COL18A1: variants seen among roughly 807,000 people sequenced by gnomAD.
COL18A1 encodes collagen alpha-1(XVIII) chain.
A neutral mutation model predicts 168.0 loss-of-function variants in COL18A1; 133 were observed. The observed-to-expected ratio is 0.79, with a 90% CI of 0.69 to 0.91. The LOEUF is 0.91. Among genes scored for constraint, COL18A1 ranks in the 40% least tolerant of loss-of-function variants. The pLI is 0.00. For missense variants in COL18A1, 2,126 were observed against 1,925.4 expected (o/e 1.10, Z -1.95); for synonymous variants, 949 against 809.0 (o/e 1.17, Z -2.94).
chr21:45,445,878 T>C (rs746437141), intron 2 of COL18A1, among the ~76,000 whole-genome samples: 1 of 152,244 alleles, frequency 6.6e-6, no homozygotes, highest in Non-Finnish European at 1.5e-5. Flanking sequence ...CGCAAATATC[T>C]TCTCCCATTC....
chr21:45,512,502 C>A lies in COL18A1; in HGVS notation c.*104C>A. ...AGCCCCTGGCCCCAGGACCTGGCTG[C>A]CATACTTTCCTGTATAGTTCACGTT... is the stretch of plus-strand genomic sequence containing the variant. On this transcript the variant is annotated 3_prime_UTR_variant, in exon 42 of 42. Coordinates refer to ENST00000651438, the MANE Select transcript of COL18A1 (RefSeq NM_001379500.1). The A allele has an allele frequency of 2.0e-6, 2 of 1,013,780 alleles. No individual in the cohort carries two copies. The highest frequency in any genetic ancestry group is 2.6e-5 in the East Asian group (1 of 39,146). 62.8% of individuals were successfully genotyped at this position (1,013,780 alleles called of 1,614,324 possible).
Position 45,493,185 on chromosome 21 carries a change from A to T in COL18A1, c.2237A>T (p.Asn746Ile), listed in dbSNP as rs1320360516. The change falls in exon 25 of 42, where the codon AAC becomes ATC. Residue 746 changes from asparagine (N) to isoleucine (I), a missense_variant. Asn to Ile is a moderately radical substitution (Grantham distance 149). Transcript: ENST00000651438. ...GFPGPAGPKG[N>I]LGSKGERGSP... ...CAGGGACCTGCAGGACCCAAGGGCA[A>T]CCTGGGCTCTAAGGGCGAACGAGGC... The T allele has an allele frequency of 4.5e-6, 7 of 1,562,138 alleles. No homozygotes were observed. Among genetic ancestry groups the T allele is most frequent in the Non-Finnish European group, 6.1e-6 (7 of 1,153,150 alleles).
chr21:45,495,741 C>G, intron 29 of COL18A1: 1 of 399,606 alleles, frequency 2.5e-6, no homozygotes, highest in Non-Finnish European at 4.8e-6. Context: ...TCCACACGTG[C>G]TCATGTGTGT....
At chr21:45,419,724 AAC>A (rs2033560925) in intron 2 of COL18A1, 1 of 152,306 alleles carries the variant, frequency 6.6e-6, no homozygotes, top group Middle Eastern at 3.4e-3. Flanking sequence ...ATGATTTTTA[AAC>A]AGTTTTATTT....
chr21:45,440,083 T>A (rs2034328276), intron 2 of COL18A1, among the ~76,000 whole-genome samples: 1 of 152,182 alleles, frequency 6.6e-6, no homozygotes, highest in Admixed American at 6.5e-5. Context: ...CCTCCGATGA[T>A]GGGGCAAACG....
rs529817823 is a variant in COL18A1 at position 45,492,032 on chromosome 21, C to T, written c.2158-503C>T. Among the ~76,000 whole-genome samples, 17 of 152,342 alleles carry T rather than the reference C, an allele frequency of 1.1e-4. No individual in the cohort carries two copies. The East Asian group carries it at 3.3e-3, about 29-fold the overall frequency. On this transcript the variant is annotated intron_variant, in intron 22 of 41. Transcript: ENST00000651438. Reference sequence around the variant, plus strand: ...GTGTGACACTGGACAAGTTACCTAACCCTTGTGCTCCAGCTCCCCACCTAG... The same window carrying T: ...GTGTGACACTGGACAAGTTACCTAATCCTTGTGCTCCAGCTCCCCACCTAG...
In COL18A1 at chr21:45,497,717, TGTG is replaced by T. The variant is rs756512869; in HGVS notation, c.2683+59_2683+61del. ...AGCCATGGCGTGGCCAGCACTGAAG[TGTG>T]GTCACACCTAGAGCCGCCACCACAA... On this transcript the variant is annotated intron_variant, in intron 32 of 41. Coordinates refer to ENST00000651438, the MANE Select transcript of COL18A1 (RefSeq NM_001379500.1). 234 of 1,548,402 alleles carry T rather than the reference TGTG, an allele frequency of 1.5e-4. 1 individual carries two copies. The highest frequency in any genetic ancestry group is 5.1e-4 in the South Asian group (43 of 84,122).
At chr21:45,455,502 C>T in intron 2 of COL18A1, 1 of 1,610,006 alleles carries the variant, frequency 6.2e-7, no homozygotes, top group Non-Finnish European at 8.5e-7. Flanking sequence ...GGCCCTCCCG[C>T]CGCCCGCAGC....
chr21:45,464,121 C>T (rs7283255), intron 2 of COL18A1, among the ~76,000 whole-genome samples: 21,638 of 151,938 alleles, frequency 0.14, 1,885 homozygotes, highest in African/African-American at 0.23. Flanking sequence ...CACACATCTG[C>T]GGGGGCAGAG....
intron 23 of COL18A1, 39 bp downstream of exon 23, chr21:45,492,603 G>A: frequency 6.2e-7 from 1 of 1,612,528 alleles, no homozygotes; most frequent in Non-Finnish European, 8.5e-7. Flanking sequence ...GGGCCTGCGG[G>A]GACCTGGGTA....
At chr21:45,491,036 G>A (rs1036169846) in intron 21 of COL18A1, among the ~76,000 whole-genome samples, 165 bp downstream of exon 21, 2 of 152,156 alleles carry the variant, frequency 1.3e-5, no homozygotes, top group East Asian at 1.9e-4. Flanking sequence ...TGGGGGCAGC[G>A]TGTGTGGCTC....
rs376133415 is a variant in COL18A1 at position 45,465,489 on chromosome 21, G to A, written c.107-2753G>A. Among the ~76,000 whole-genome samples, 3 of 152,322 alleles carry A rather than the reference G, an allele frequency of 2.0e-5. No homozygotes were observed. The East Asian group carries it at 5.8e-4, about 29-fold the overall frequency. On this transcript the variant is annotated intron_variant, in intron 2 of 41. Transcript: ENST00000651438. ...GGGCACTTCACTGCGTAAGTGCTAT[G>A]GTGTGATGGAGTGATGATGGTGGCG...
intron 2 of COL18A1, among the ~76,000 whole-genome samples, chr21:45,414,005 G>C (rs2033372441): frequency 1.3e-5 from 2 of 152,222 alleles, no homozygotes; most frequent in Admixed American, 1.3e-4. Context: ...GTGTGCACCT[G>C]AACCATCTCT....
At chr21:45,452,862 TTG>T (rs1337379271) in intron 2 of COL18A1, among the ~76,000 whole-genome samples, 1 of 151,700 alleles carries the variant, frequency 6.6e-6, no homozygotes, top group African/African-American at 2.4e-5. Flanking sequence ...TGTGTGGGGC[TTG>T]TGTATGCATG....
At chr21:45,490,173 C>A in intron 19 of COL18A1, 102 bp from the exon 20 acceptor site, 1 of 937,784 alleles carries the variant, frequency 1.1e-6, no homozygotes, top group Non-Finnish European at 1.7e-6. Flanking sequence ...GAGAGAAGTC[C>A]AGGCCATCGC....
rs2037668059 is a variant in COL18A1, at chr21:45,512,452, CACCGT to C, written c.*55_*59del. On this transcript the variant is annotated 3_prime_UTR_variant, in exon 42 of 42. Transcript: ENST00000651438. ...GGACCGGCGGCTCGGAGGAAGCCCC[CACCGT>C]GGGCAGGGAGCGGCCGGCCAGCCCC... 1.5e-5 allele frequency: 23 copies of C among 1,562,244 alleles called. No homozygotes were observed. The highest frequency in any genetic ancestry group is 2.0e-5 in the Non-Finnish European group (23 of 1,150,072).
chr21:45,474,053 A>G, intron 4 of COL18A1, 72 bp downstream of exon 4: 2 of 1,269,430 alleles, frequency 1.6e-6, no homozygotes, highest in Non-Finnish European at 1.1e-6. Context: ...GCCAAGGTCT[A>G]TGACAGGAAA....
At chr21:45,504,749 A>AC (rs1024922113) in intron 34 of COL18A1, among the ~76,000 whole-genome samples, 193 bp downstream of exon 34, 1 of 150,824 alleles carries the variant, frequency 6.6e-6, no homozygotes, top group Non-Finnish European at 1.5e-5. Flanking sequence ...GACCCCGGAC[A>AC]CCCCCCGTCC....
intron 3 of COL18A1, among the ~76,000 whole-genome samples, chr21:45,469,033 C>T (rs1568893819): frequency 6.6e-6 from 1 of 152,232 alleles, no homozygotes; most frequent in Non-Finnish European, 1.5e-5. Flanking sequence ...CTCTCTGGCT[C>T]CTGCGCCCCC....
Sources: gnomAD v4.1 joint callset for allele counts (sites outside exome capture counted in the v4.1 genomes callset) on GRCh38, gnomAD v4.1.1 for gene constraint, MANE v1.5 for transcripts, NCBI Gene and HGNC (gene_info 2026-07-23, HGNC 2026-07-21) for gene names.